Variants in MAF observed in about 807,000 individuals in gnomAD.
The protein encoded by MAF is transcription factor Maf.
A neutral mutation model predicts 22.0 loss-of-function variants in MAF; 10 were observed. The observed-to-expected ratio is 0.45, with a 90% CI of 0.28 to 0.77. MAF has a LOEUF of 0.77. MAF is among the 30% of genes least tolerant of loss of function. The probability of loss-of-function intolerance (pLI) is 0.12; values close to 1 mark genes in which losing one functional copy is unlikely to be tolerated. For synonymous variants in MAF, 337 were observed against 255.8 expected (o/e 1.32, Z -3.03); for missense variants, 544 against 548.4 (o/e 0.99, Z 0.08).
chr16:79,232,088 G>A, the MAF span, among the ~76,000 whole-genome samples: 5 of 151,984 alleles, frequency 3.3e-5, no homozygotes, highest in Non-Finnish European at 7.4e-5. Context: ...AATGGGGAAC[G>A]GCTGCAATTA....
At chr16:79,550,366 C>G in the MAF span, among the ~76,000 whole-genome samples, 1 of 152,146 alleles carries the variant, frequency 6.6e-6, no homozygotes, top group Admixed American at 6.5e-5. Flanking sequence ...CAGACAGACA[C>G]ACCCCTAAAG....
the MAF span, among the ~76,000 whole-genome samples, chr16:79,246,181 A>G: frequency 2.6e-5 from 4 of 152,142 alleles, no homozygotes; most frequent in Non-Finnish European, 4.4e-5. Flanking sequence ...CATTCTGCGC[A>G]TGTGCCCCAG....
the MAF span, among the ~76,000 whole-genome samples, chr16:79,354,739 CCT>C: frequency 6.6e-6 from 1 of 152,178 alleles, no homozygotes; most frequent in Non-Finnish European, 1.5e-5. Context: ...TTAATTAGAT[CCT>C]CTCCACTTTG....
At chr16:79,522,264 C>A in the MAF span, among the ~76,000 whole-genome samples, 1 of 152,182 alleles carries the variant, frequency 6.6e-6, no homozygotes, top group African/African-American at 2.4e-5. Context: ...CTCAGCTCCC[C>A]TGGGATAGAA....
chr16:79,419,102 G>C, the MAF span, among the ~76,000 whole-genome samples: 1 of 152,170 alleles, frequency 6.6e-6, no homozygotes, highest in Non-Finnish European at 1.5e-5. Context: ...ACCAAACTCC[G>C]AATTAACTTC....
chr16:79,598,991 G>C lies in MAF; in HGVS notation c.912C>G (p.Ser304=). The C allele has an allele frequency of 1.2e-6, 2 of 1,613,854 alleles. No homozygotes were observed. The highest frequency in any genetic ancestry group is 2.2e-5 in the East Asian group (1 of 44,812). The change falls in exon 1 of 2, where the codon TCC becomes TCG. Residue 304 remains serine, a synonymous_variant. Transcript: ENST00000326043. ...RTLKNRGYAQ[S]CRFKRVQQRH... ...TCTGCTGCACCCTCTTGAAGCGGCA[G>C]GACTGGGCATAGCCGCGGTTTTTCA...
the MAF span, among the ~76,000 whole-genome samples, chr16:79,544,289 A>C: frequency 2.6e-5 from 4 of 152,198 alleles, no homozygotes; most frequent in South Asian, 6.2e-4. Context: ...TTCCTGACAC[A>C]CTAGACTCAT....
chr16:79,559,814 G>C, the MAF span, among the ~76,000 whole-genome samples: 3 of 152,148 alleles, frequency 2.0e-5, no homozygotes, highest in Non-Finnish European at 4.4e-5. Context: ...TTGGCAGATG[G>C]GATAAAACAA....
At chr16:79,296,465 G>T in the MAF span, among the ~76,000 whole-genome samples, 2 of 152,062 alleles carry the variant, frequency 1.3e-5, no homozygotes, top group Non-Finnish European at 2.9e-5. Flanking sequence ...AACTACCATG[G>T]CATATGTTTA....
the MAF span, among the ~76,000 whole-genome samples, chr16:79,375,966 C>A: frequency 1.3e-5 from 2 of 152,120 alleles, 1 homozygote; most frequent in East Asian, 3.9e-4. Context: ...TGCGGGTTAA[C>A]AATGAATCCT....
At chr16:79,508,592 G>A in the MAF span, among the ~76,000 whole-genome samples, 360 of 152,276 alleles carry the variant, frequency 2.4e-3, 2 homozygotes, top group African/African-American at 3.0e-3. Context: ...TGAATATGCC[G>A]TTTCCAGCCA....
At chr16:79,287,342 G>C in the MAF span, among the ~76,000 whole-genome samples, 2 of 152,190 alleles carry the variant, frequency 1.3e-5, no homozygotes, top group Non-Finnish European at 2.9e-5. Context: ...CCGGGCCCTC[G>C]GCCTTGAGAG....
the MAF span, among the ~76,000 whole-genome samples, chr16:79,369,102 C>G: frequency 1.6e-4 from 24 of 152,304 alleles, no homozygotes; most frequent in East Asian, 1.2e-3. Context: ...TAAATTAATT[C>G]TCTTTCATTT....
the MAF span, among the ~76,000 whole-genome samples, chr16:79,221,779 G>T: frequency 6.6e-6 from 1 of 152,116 alleles, no homozygotes; most frequent in African/African-American, 2.4e-5. Context: ...GTGCATGTAT[G>T]TGTAGATATC....
chr16:79,242,377 G>GA, the MAF span, among the ~76,000 whole-genome samples: 840 of 128,082 alleles, frequency 6.6e-3, 7 homozygotes, highest in African/African-American at 0.013. Context: ...AAAAAAAAAA[G>GA]AAAAAAAAAA....
At chr16:79,422,865 G>C in the MAF span, among the ~76,000 whole-genome samples, 5 of 152,110 alleles carry the variant, frequency 3.3e-5, no homozygotes, top group Non-Finnish European at 7.4e-5. Context: ...GAATAAAAGA[G>C]GTAAGGTCTC....
the MAF span, among the ~76,000 whole-genome samples, chr16:79,419,906 C>T: frequency 1.4e-5 from 2 of 140,544 alleles, no homozygotes; most frequent in African/African-American, 6.2e-5. Context: ...CATTTTAAAT[C>T]TCCCGGAAAA....
At chr16:79,470,575 C>CTG in the MAF span, among the ~76,000 whole-genome samples, 1 of 152,208 alleles carries the variant, frequency 6.6e-6, no homozygotes. Context: ...CATTCAGGTA[C>CTG]TGTGCTAAGC....
At chr16:79,574,675 G>T in the MAF span, among the ~76,000 whole-genome samples, 28 of 152,198 alleles carry the variant, frequency 1.8e-4, no homozygotes, top group African/African-American at 6.5e-4. Flanking sequence ...AGGTCACATG[G>T]CTGCTTTAGT....
Sources: gnomAD v4.1 joint callset for allele counts (sites outside exome capture counted in the v4.1 genomes callset) on GRCh38, gnomAD v4.1.1 for gene constraint, MANE v1.5 for transcripts, NCBI Gene and HGNC (gene_info 2026-07-23, HGNC 2026-07-21) for gene names.